DGLUCY: variants seen among roughly 807,000 people sequenced by gnomAD.
DGLUCY encodes the protein D-glutamate cyclase.
A neutral mutation model predicts 58.5 loss-of-function variants in DGLUCY; 58 were observed. The ratio of observed to expected loss-of-function variants is 0.99; its 90% CI spans 0.80 to 1.23. DGLUCY has a LOEUF of 1.23. DGLUCY is among the 50% of genes most tolerant of loss of function. DGLUCY has a pLI of 0.00. For missense variants in DGLUCY, 779 were observed against 784.7 expected, an observed-to-expected ratio of 0.99 and a Z score of 0.09; for synonymous variants, 325 against 314.1, an observed-to-expected ratio of 1.03 and a Z score of -0.37.
intron 1 of DGLUCY, among the ~76,000 whole-genome samples, chr14:91,131,558 C>T (rs529691416): frequency 6.6e-6 from 1 of 152,012 alleles, no homozygotes; most frequent in Admixed American, 6.6e-5. Context: ...TGTTGGTGTG[C>T]TGCACCCATT....
At chr14:91,065,185 A>G (rs2043800527) in intron 1 of DGLUCY, among the ~76,000 whole-genome samples, 1 of 152,224 alleles carries the variant, frequency 6.6e-6, no homozygotes, top group Non-Finnish European at 1.5e-5. Context: ...TGGAACAGCC[A>G]CTATGAGAAA....
chr14:91,191,447 C>T (rs918664720), intron 9 of DGLUCY, among the ~76,000 whole-genome samples: 7 of 152,098 alleles, frequency 4.6e-5, no homozygotes, highest in East Asian at 3.8e-4. Flanking sequence ...TAAAACAGGC[C>T]GGGCACAGTG....
intron 1 of DGLUCY, among the ~76,000 whole-genome samples, chr14:91,121,098 C>T (rs1331975422): frequency 6.6e-6 from 1 of 152,230 alleles, no homozygotes; most frequent in Non-Finnish European, 1.5e-5. Flanking sequence ...ACAGAGACTT[C>T]TTCAGCCTTT....
intron 12 of DGLUCY, among the ~76,000 whole-genome samples, chr14:91,209,910 A>G (rs941942440): frequency 6.6e-6 from 1 of 152,230 alleles, no homozygotes; most frequent in Admixed American, 6.5e-5. Flanking sequence ...AATTTCAGAC[A>G]TAGCAGACTT....
At chr14:91,069,799 C>CTTTTTTTTTTTTTTTTTTTT (rs5810528) in intron 1 of DGLUCY, among the ~76,000 whole-genome samples, 1 of 121,038 alleles carries the variant, frequency 8.3e-6, no homozygotes, top group Non-Finnish European at 1.7e-5. Context: ...TGATATGCCT[C>CTTTTTTTTTTTTTTTTTTTT]TTTTTTTTTT....
At chr14:91,151,344 A>G (rs1009548925) in intron 1 of DGLUCY, among the ~76,000 whole-genome samples, 1 of 151,942 alleles carries the variant, frequency 6.6e-6, no homozygotes, top group Admixed American at 6.6e-5. Flanking sequence ...GGTTCACGCC[A>G]TTCTCCTAAC....
intron 8 of DGLUCY, among the ~76,000 whole-genome samples, chr14:91,184,579 G>T (rs1400490424): frequency 1.6e-5 from 2 of 122,658 alleles, no homozygotes; most frequent in Non-Finnish European, 3.4e-5. Context: ...AAGAAAGTTG[G>T]GGGGGGGGAG....
intron 1 of DGLUCY, among the ~76,000 whole-genome samples, chr14:91,124,346 T>C (rs1222903076): frequency 2.6e-5 from 4 of 152,186 alleles, no homozygotes; most frequent in Admixed American, 6.6e-5. Flanking sequence ...TCCTGATGCC[T>C]CCTCTTCTCT....
chr14:91,146,152 G>T (rs11623720), intron 1 of DGLUCY, among the ~76,000 whole-genome samples: 1 of 152,132 alleles, frequency 6.6e-6, no homozygotes, highest in South Asian at 2.1e-4. Context: ...GAATTAAGGC[G>T]TGTACCACCA....
At chr14:91,215,771 T>G (rs1275281163) in intron 13 of DGLUCY, 2 of 1,403,308 alleles carry the variant, frequency 1.4e-6, no homozygotes, top group Non-Finnish European at 1.9e-6. Flanking sequence ...CAAGTGACCA[T>G]TTTCCTTCTA....
intron 13 of DGLUCY, among the ~76,000 whole-genome samples, 180 bp from the exon 14 acceptor site, chr14:91,224,504 A>G (rs904777243): frequency 3.3e-5 from 5 of 152,210 alleles, no homozygotes; most frequent in African/African-American, 1.2e-4. Flanking sequence ...ATGAGCTGTG[A>G]TGGAGGACAC....
chr14:91,129,194 A>G (rs939082461), intron 1 of DGLUCY, among the ~76,000 whole-genome samples: 3 of 152,140 alleles, frequency 2.0e-5, no homozygotes, highest in Non-Finnish European at 4.4e-5. Context: ...TATAAGCCAT[A>G]TGTTCAACTT....
intron 1 of DGLUCY, among the ~76,000 whole-genome samples, chr14:91,083,395 G>A (rs1429634322): frequency 6.6e-6 from 1 of 152,042 alleles, no homozygotes; most frequent in Non-Finnish European, 1.5e-5. Context: ...GATGGTGCAT[G>A]CCTGTAATCC....
At chr14:91,210,347 A>AT (rs1004694816) in intron 12 of DGLUCY, among the ~76,000 whole-genome samples, 4 of 152,146 alleles carry the variant, frequency 2.6e-5, no homozygotes, top group African/African-American at 9.7e-5. Flanking sequence ...CCTGGGCAAC[A>AT]TAACAAGACC....
At chr14:91,063,249 A>C (rs1218105881) in intron 1 of DGLUCY, among the ~76,000 whole-genome samples, 1 of 150,230 alleles carries the variant, frequency 6.7e-6, no homozygotes, top group South Asian at 2.1e-4. Flanking sequence ...ACACAGGAAG[A>C]CTTTTTTTTT....
chr14:91,102,411 A>T (rs1173361042), intron 1 of DGLUCY, among the ~76,000 whole-genome samples: 2 of 152,106 alleles, frequency 1.3e-5, no homozygotes, highest in Admixed American at 6.6e-5. Flanking sequence ...AGACAAGCAG[A>T]TCATAATGTC....
Position 91,125,799 on chromosome 14 carries a change from A to G in DGLUCY, c.-82+11516A>G, listed in dbSNP as rs367622107. Reference sequence around the variant, plus strand: ...GAAATCCTGTCTCTACTAAAAATACAAAAATTAGCCGAGCCTGGGCTACTC... The same window carrying G: ...GAAATCCTGTCTCTACTAAAAATACGAAAATTAGCCGAGCCTGGGCTACTC... On this transcript the variant is annotated intron_variant, in intron 1 of 13. Coordinates refer to ENST00000256324, the MANE Select transcript of DGLUCY (RefSeq NM_001102368.3). Among the ~76,000 whole-genome samples, 36 of 152,240 alleles carry G rather than the reference A, an allele frequency of 2.4e-4. No homozygotes were observed. In the East Asian group the frequency reaches 4.1e-3, roughly 17 times the overall value.
intron 1 of DGLUCY, among the ~76,000 whole-genome samples, chr14:91,063,925 C>A (rs2043775547): frequency 6.6e-6 from 1 of 152,044 alleles, no homozygotes; most frequent in Admixed American, 6.5e-5. Context: ...AAATGGGATA[C>A]AAGGAGACCA....
chr14:91,079,319 A>T (rs2044085558), intron 1 of DGLUCY, among the ~76,000 whole-genome samples: 1 of 151,860 alleles, frequency 6.6e-6, no homozygotes, highest in African/African-American at 2.4e-5. Flanking sequence ...CATCAGTAAA[A>T]TGTCTTCATA....
Sources: allele counts gnomAD v4.1 joint callset (sites outside exome capture counted in the v4.1 genomes callset), GRCh38; gene constraint gnomAD v4.1.1; transcripts MANE v1.5; gene names NCBI Gene and HGNC (gene_info 2026-07-23, HGNC 2026-07-21).